The following MYT1L variants were observed in gnomAD, a reference collection of about 807,000 sequenced individuals.
MYT1L encodes myelin transcription factor 1 like.
Under a neutral mutation model 126.7 loss-of-function variants are expected in MYT1L, and 12 were observed. That is an observed-to-expected ratio of 0.09 (90% CI 0.06 to 0.15). The LOEUF (loss-of-function observed/expected upper bound fraction) is 0.15. Ranked by LOEUF, MYT1L falls within the 10% of genes least tolerant of loss-of-function variation. The probability of loss-of-function intolerance (pLI) is 1.00; values close to 1 mark genes in which losing one functional copy is unlikely to be tolerated. For synonymous variants in MYT1L, 541 were observed against 604.2 expected, an observed-to-expected ratio of 0.90 and a Z score of 1.53; for missense variants, 979 against 1,585.2, an observed-to-expected ratio of 0.62 and a Z score of 6.49.
At chr2:2,172,005 TG>T (rs980530391) in intron 3 of MYT1L, among the ~76,000 whole-genome samples, 4 of 152,200 alleles carry the variant, frequency 2.6e-5, no homozygotes, top group African/African-American at 9.6e-5. Context: ...AATTTTCTTC[TG>T]CTATTCATCA....
chr2:2,320,947 T>A (rs1367219891), intron 1 of MYT1L, among the ~76,000 whole-genome samples: 1 of 152,216 alleles, frequency 6.6e-6, no homozygotes, highest in South Asian at 2.1e-4. Context: ...AACAGCTGGA[T>A]GGATGCCAGG....
chr2:2,318,044 C>T (rs1258457344), intron 1 of MYT1L, among the ~76,000 whole-genome samples: 1 of 152,066 alleles, frequency 6.6e-6, no homozygotes, highest in Non-Finnish European at 1.5e-5. Context: ...TGATAGAGGC[C>T]GTTTTTGCAA....
chr2:1,911,881 C>T (rs955977184), intron 12 of MYT1L, 139 bp downstream of exon 12: 54 of 542,500 alleles, frequency 1.0e-4, no homozygotes, highest in African/African-American at 9.2e-4. Context: ...CTTTCACTCC[C>T]GTGCATTATA....
chr2:1,889,386 G>A lies in MYT1L; in HGVS notation c.2375C>T (p.Pro792Leu). Reference sequence around the variant, plus strand: ...CTGCTGGGGGGACATGGGCTCCAGAGGGGTCAGGATGGGGCAGCAGCTGTC... The same window carrying A: ...CTGCTGGGGGGACATGGGCTCCAGAAGGGTCAGGATGGGGCAGCAGCTGTC... ...PRDSCCPILT[P>L]LEPMSPQQQA... The change falls in exon 16 of 25, where the codon CCT becomes CTT. Residue 792 changes from proline to leucine, a missense_variant. Transcript: ENST00000647738. The surrounding 1 kb of genome is among the most constrained non-coding windows in gnomAD (Gnocchi z 4.1). 1.2e-6 allele frequency: 2 copies of A among 1,613,952 alleles called. No homozygotes were observed. The highest frequency in any genetic ancestry group is 8.5e-7 in the Non-Finnish European group (1 of 1,179,896).
chr2:2,185,269 TATAAC>T (rs1414458612), intron 2 of MYT1L, among the ~76,000 whole-genome samples: 2 of 152,254 alleles, frequency 1.3e-5, no homozygotes, highest in African/African-American at 2.4e-5. Flanking sequence ...ACAAAGCTTA[TATAAC>T]ATATTTGTGC....
intron 3 of MYT1L, among the ~76,000 whole-genome samples, chr2:2,130,523 C>T (rs2082234967): frequency 6.6e-6 from 1 of 152,066 alleles, no homozygotes; most frequent in Non-Finnish European, 1.5e-5. Context: ...AGCCTGGGAA[C>T]CCACATTCAT....
chr2:2,192,566 C>A (rs537837198), intron 2 of MYT1L, among the ~76,000 whole-genome samples: 1 of 152,140 alleles, frequency 6.6e-6, no homozygotes, highest in African/African-American at 2.4e-5. Context: ...GGGTGGATAT[C>A]GTCACATACT....
At chr2:2,113,782 A>G (rs988393002) in intron 3 of MYT1L, among the ~76,000 whole-genome samples, 15 of 152,236 alleles carry the variant, frequency 9.9e-5, no homozygotes, top group Non-Finnish European at 1.9e-4. Flanking sequence ...CACAGATAGG[A>G]AAATAGTTAT....
intron 3 of MYT1L, among the ~76,000 whole-genome samples, chr2:2,128,061 A>G (rs2081937031): frequency 6.6e-6 from 1 of 152,222 alleles, no homozygotes; most frequent in South Asian, 2.1e-4. Flanking sequence ...ATTATGAAAA[A>G]CAACAACTGT....
chr2:2,100,194 TAA>T (rs1259814375), intron 3 of MYT1L, among the ~76,000 whole-genome samples: 1 of 152,158 alleles, frequency 6.6e-6, no homozygotes, highest in African/African-American at 2.4e-5. Context: ...GGGTTTTTTT[TAA>T]AGAGAGTAGT....
intron 4 of MYT1L, among the ~76,000 whole-genome samples, chr2:2,017,098 T>C (rs2064494995): frequency 6.6e-6 from 1 of 152,160 alleles, no homozygotes; most frequent in South Asian, 2.1e-4. Flanking sequence ...CACAGAGCCA[T>C]CATTACAGGC....
chr2:2,120,536 C>T (rs548316647), intron 3 of MYT1L, among the ~76,000 whole-genome samples: 9 of 152,068 alleles, frequency 5.9e-5, no homozygotes, highest in East Asian at 1.9e-4. Flanking sequence ...CCATCTCACT[C>T]TTTTAAACCT....
At chr2:2,225,371 T>C (rs2093981904) in intron 2 of MYT1L, among the ~76,000 whole-genome samples, 1 of 152,226 alleles carries the variant, frequency 6.6e-6, no homozygotes, top group East Asian at 1.9e-4. Flanking sequence ...CTTCAGCTTT[T>C]GAAAGCTCCC....
chr2:2,197,830 CACA>C (rs1269782675), intron 2 of MYT1L, among the ~76,000 whole-genome samples: 2 of 149,004 alleles, frequency 1.3e-5, no homozygotes, highest in East Asian at 4.0e-4. Flanking sequence ...CACACACGCA[CACA>C]ACGAATGTGT....
rs3047991 is a variant in MYT1L at position 2,099,344 on chromosome 2, GT to G, written c.-303-45222del. 6.8e-3 allele frequency among the ~76,000 whole-genome samples: 976 copies of G among 144,452 alleles called. 6 individuals carry two copies. Among genetic ancestry groups the G allele is most frequent in the South Asian group, 0.024 (107 of 4,526 alleles). 94.8% of individuals were successfully genotyped at this position (144,452 alleles called of 152,430 possible). On this transcript the variant is annotated intron_variant, in intron 3 of 24. Coordinates refer to ENST00000647738, the MANE Select transcript of MYT1L (RefSeq NM_001303052.2). ...ATGCTTCAATTTTTAAATGTCATTT[GT>G]TTTTTTTTTTTCTCATTTAAGAAAA...
intron 22 of MYT1L, among the ~76,000 whole-genome samples, chr2:1,807,295 G>A (rs113328560): frequency 9.2e-5 from 14 of 152,344 alleles, no homozygotes; most frequent in African/African-American, 2.6e-4. Context: ...ACGTTCAGGC[G>A]TCTCTCATGC....
chr2:1,864,685 A>C (rs1255480948), intron 18 of MYT1L, among the ~76,000 whole-genome samples: 2 of 152,260 alleles, frequency 1.3e-5, no homozygotes, highest in Non-Finnish European at 2.9e-5. Context: ...GCCCCTCCAC[A>C]CATGAAGCTC....
intron 9 of MYT1L, among the ~76,000 whole-genome samples, chr2:1,936,576 A>G (rs1348175738): frequency 1.3e-5 from 2 of 152,202 alleles, no homozygotes; most frequent in Non-Finnish European, 2.9e-5. Context: ...AGCCTCGCAT[A>G]CCAAACATAT....
rs913952239 is a variant in MYT1L, at chr2:2,306,437, G to A, written c.-520-21934C>T. Among the ~76,000 whole-genome samples, 12 of 152,272 alleles carry A rather than the reference G, an allele frequency of 7.9e-5. 1 individual carries two copies. Among genetic ancestry groups the A allele is most frequent in the African/African-American group, 1.9e-4 (8 of 41,564 alleles). ...AAGGTTTTCAAATAGGAGTCTGGAC[G>A]TCTGGCTCCTGGAATCTTTATTCCA... On this transcript the variant is annotated intron_variant, in intron 1 of 24. Coordinates refer to ENST00000647738, the MANE Select transcript of MYT1L (RefSeq NM_001303052.2).
Sources: gnomAD v4.1 joint callset for allele counts (sites outside exome capture counted in the v4.1 genomes callset) on GRCh38, gnomAD v4.1.1 for gene constraint, Gnocchi (gnomAD v3.1) non-coding constraint, MANE v1.5 for transcripts, NCBI Gene and HGNC (gene_info 2026-07-23, HGNC 2026-07-21) for gene names.